Variants in SLC28A3 observed in about 807,000 individuals in gnomAD.
The protein encoded by SLC28A3 is concentrative Na(+)-nucleoside cotransporter 3.
In SLC28A3, 68 loss-of-function variants were observed where a neutral mutation model predicts 84.2. The ratio of observed to expected loss-of-function variants is 0.81; its 90% confidence interval spans 0.66 to 0.99. The LOEUF is 0.99. SLC28A3 is among the 50% of genes least tolerant of loss of function. SLC28A3 has a pLI of 0.00. For synonymous variants in SLC28A3, 267 were observed against 303.6 expected (o/e 0.88, Z 1.25); for missense variants, 712 against 841.5 (o/e 0.85, Z 1.90).
At chr9:84,309,543 A>AAG in intron 3 of SLC28A3, 86 bp downstream of exon 3, 1 of 841,666 alleles carries the variant, frequency 1.2e-6, no homozygotes, top group Non-Finnish European at 1.8e-6. Flanking sequence ...AAAAAAAAAA[A>AAG]AAAAAGAAAT....
the SLC28A3 span, among the ~76,000 whole-genome samples, chr9:84,358,929 A>G: frequency 6.6e-6 from 1 of 152,070 alleles, no homozygotes; most frequent in Non-Finnish European, 1.5e-5. Flanking sequence ...CAGCCTCCCA[A>G]GTAGCTGGGA....
At chr9:84,332,357 G>A (rs1230088625) in intron 1 of SLC28A3, among the ~76,000 whole-genome samples, 2 of 152,114 alleles carry the variant, frequency 1.3e-5, no homozygotes, top group African/African-American at 4.8e-5. Flanking sequence ...ATCAAGAAAT[G>A]CCTAAGTAGT....
intron 1 of SLC28A3, among the ~76,000 whole-genome samples, chr9:84,316,996 G>A (rs957507347): frequency 2.4e-5 from 3 of 122,656 alleles, no homozygotes; most frequent in South Asian, 2.4e-4. Context: ...GCAAGACTCC[G>A]TCTCAAAACA....
chr9:84,311,166 C>G (rs1825975662), intron 2 of SLC28A3, among the ~76,000 whole-genome samples: 1 of 152,140 alleles, frequency 6.6e-6, no homozygotes, highest in South Asian at 2.1e-4. Context: ...TGCATCCTGC[C>G]AATGTCACCC....
rs1329426573 is a variant in SLC28A3 at position 84,276,738 on chromosome 9, C to A, written c.*1480G>T. On this transcript the variant is annotated 3_prime_UTR_variant, in exon 18 of 18. Transcript: ENST00000376238. ...CCTCTGGACATTAGGCCTCCTCCTT[C>A]ACCACCACAAAAAACAAAACACACA... The A allele has an allele frequency of 2.0e-5, 3 of 152,244 alleles. No individual in the cohort carries two copies. The highest frequency in any genetic ancestry group is 4.4e-5 in the Non-Finnish European group (3 of 68,046). The allele number at this position is 152,244 out of a possible 1,614,324, so 9.4% of individuals were successfully genotyped here. A position where few individuals can be genotyped will look rare whatever the true frequency, so the allele number is the denominator to read the frequency against.
chr9:84,313,330 T>C (rs1475906494), intron 2 of SLC28A3, 29 bp downstream of exon 2: 2 of 1,600,440 alleles, frequency 1.2e-6, no homozygotes, highest in East Asian at 4.5e-5. Flanking sequence ...GCCATGGTAC[T>C]AGAGTCATGC....
Position 84,278,324 on chromosome 9 carries a change from C to T in SLC28A3, c.1970G>A (p.Gly657Asp). The change falls in exon 18 of 18, where the codon GGT (glycine) becomes GAT (aspartate). Residue 657 changes from glycine to aspartate, a missense_variant. Coordinates refer to ENST00000376238, the MANE Select transcript of SLC28A3 (RefSeq NM_001199633.2). Reference protein sequence around the residue: ...LLSSTVAKGPGEVIPGGNHSL... With the variant: ...LLSSTVAKGPDEVIPGGNHSL... ...GTGGTTTCCTCCTGGGATGACTTCACCAGGACCCTTGGCAACAGTGCTGGT... is the reference window on the plus strand; with the variant it reads ...GTGGTTTCCTCCTGGGATGACTTCATCAGGACCCTTGGCAACAGTGCTGGT... 6.2e-7 allele frequency: 1 copy of T among 1,614,078 alleles called. No individual in the cohort carries two copies.
At chr9:84,315,603 C>T (rs1359540663) in intron 1 of SLC28A3, among the ~76,000 whole-genome samples, 1 of 152,134 alleles carries the variant, frequency 6.6e-6, no homozygotes, top group Non-Finnish European at 1.5e-5. Context: ...TTTTGTTCTC[C>T]ACTGTGTAAT....
At chr9:84,366,861 C>T in the SLC28A3 span, among the ~76,000 whole-genome samples, 1 of 152,186 alleles carries the variant, frequency 6.6e-6, no homozygotes, top group Non-Finnish European at 1.5e-5. Flanking sequence ...CCCTGAGTCT[C>T]ACCCAAGACC....
At chr9:84,305,997 G>C (rs1305180068) in intron 3 of SLC28A3, among the ~76,000 whole-genome samples, 1 of 152,156 alleles carries the variant, frequency 6.6e-6, no homozygotes, top group Non-Finnish European at 1.5e-5. Flanking sequence ...TAGTGTGTGA[G>C]TAATGTGTAG....
At chr9:84,289,397 T>C (rs1458750469) in intron 11 of SLC28A3, among the ~76,000 whole-genome samples, 1 of 152,260 alleles carries the variant, frequency 6.6e-6, no homozygotes, top group African/African-American at 2.4e-5. Context: ...GTGTGGCTTG[T>C]AAGCTCTATG....
chr9:84,279,418 AT>A (rs1271446116), intron 16 of SLC28A3, 33 bp from the exon 17 acceptor site: 15 of 1,405,334 alleles, frequency 1.1e-5, no homozygotes, highest in South Asian at 1.8e-5. Flanking sequence ...TTTATTTATT[AT>A]TTTTTAGTTT....
chr9:84,349,148 T>TC, the SLC28A3 span, among the ~76,000 whole-genome samples: 1 of 152,214 alleles, frequency 6.6e-6, no homozygotes, highest in African/African-American at 2.4e-5. Context: ...TTACAGGTTT[T>TC]GGGATAGGTG....
Position 84,277,892 on chromosome 9 carries a change from G to GT in SLC28A3, c.*325dup, listed in dbSNP as rs1290820863. Reference sequence around the variant, plus strand: ...GGTGTGGGTGAGTCAGAGCCCAGTTGTTGGGAGCGGCCGTTTATAGCTGTA... The same window carrying GT: ...GGTGTGGGTGAGTCAGAGCCCAGTTGTTTGGGAGCGGCCGTTTATAGCTGTA... On this transcript the variant is annotated 3_prime_UTR_variant, in exon 18 of 18. Coordinates refer to ENST00000376238, the MANE Select transcript of SLC28A3 (RefSeq NM_001199633.2). 3.9e-6 allele frequency: 1 copy of GT among 254,000 alleles called. No homozygotes were observed. The highest frequency in any genetic ancestry group is 2.2e-5 in the African/African-American group (1 of 45,672). The allele number at this position is 254,000 out of a possible 1,614,324, so 15.7% of individuals were successfully genotyped here.
intron 4 of SLC28A3, among the ~76,000 whole-genome samples, chr9:84,302,711 A>T (rs1171818236): frequency 6.6e-6 from 1 of 152,188 alleles, no homozygotes; most frequent in Non-Finnish European, 1.5e-5. Context: ...ACTGGCATTC[A>T]GTCTCGGCAG....
At chr9:84,340,818 G>A, upstream of SLC28A3, 1 of 549,336 alleles carries the variant, frequency 1.8e-6, no homozygotes, top group Non-Finnish European at 3.2e-6. Flanking sequence ...GGGTGGGGCA[G>A]AGAGGCGGGC....
rs537611778 is a variant in SLC28A3 at position 84,292,742 on chromosome 9, A to G, written c.949T>C (p.Trp317Arg). 6.4e-6 allele frequency: 10 copies of G among 1,563,560 alleles called. No individual in the cohort carries two copies. The South Asian group carries it at 8.5e-5, about 13-fold the overall frequency. Reference protein sequence around the residue: ...LMQWIIRKVGWIMLVTTGSSP... With the variant: ...LMQWIIRKVGRIMLVTTGSSP... Reference sequence around the variant, plus strand: ...GATCCCGTAGTAACTAGCATGATCCATCCAACCTAAAAGGAAGAAAGGGAC... The same window carrying G: ...GATCCCGTAGTAACTAGCATGATCCGTCCAACCTAAAAGGAAGAAAGGGAC... Residue 317 changes from tryptophan to arginine, a missense_variant, in exon 10 of 18, where the codon TGG (tryptophan) becomes CGG (arginine). Coordinates refer to ENST00000376238, the MANE Select transcript of SLC28A3 (RefSeq NM_001199633.2).
intron 5 of SLC28A3, among the ~76,000 whole-genome samples, chr9:84,301,434 G>A (rs757982718): frequency 1.3e-4 from 19 of 151,720 alleles, no homozygotes; most frequent in Non-Finnish European, 2.4e-4. Flanking sequence ...TGGGCTTTTG[G>A]CAGTTTTATA....
At chr9:84,363,813 C>A in the SLC28A3 span, among the ~76,000 whole-genome samples, 1 of 151,956 alleles carries the variant, frequency 6.6e-6, no homozygotes, top group African/African-American at 2.4e-5. Context: ...TGGTCTTGAA[C>A]CCTTGGGCTC....
Sources: allele counts gnomAD v4.1 joint callset (sites outside exome capture counted in the v4.1 genomes callset), GRCh38; gene constraint gnomAD v4.1.1; transcripts MANE v1.5; gene names NCBI Gene and HGNC (gene_info 2026-07-23, HGNC 2026-07-21).